The following HS3ST4 variants were observed in gnomAD, a reference collection of about 807,000 sequenced individuals.
The protein encoded by HS3ST4 is heparan sulfate glucosamine 3-O-sulfotransferase 4.
HS3ST4 carries 17 observed loss-of-function variants against 29.2 expected under a neutral mutation model. The observed-to-expected ratio is 0.58, with a 90% CI of 0.40 to 0.87. The LOEUF (loss-of-function observed/expected upper bound fraction) is 0.87, where lower values mean the gene tolerates loss of function less well. Ranked by LOEUF, HS3ST4 falls within the 40% of genes least tolerant of loss-of-function variation. The probability of loss-of-function intolerance (pLI) is 0.00; values close to 1 mark genes in which losing one functional copy is unlikely to be tolerated. For missense variants in HS3ST4, 627 were observed against 634.5 expected, an observed-to-expected ratio of 0.99 and a Z score of 0.13; for synonymous variants, 314 against 285.7, an observed-to-expected ratio of 1.10 and a Z score of -1.00.
chr16:25,727,681 C>T (rs1416151610), intron 1 of HS3ST4, among the ~76,000 whole-genome samples: 1 of 152,174 alleles, frequency 6.6e-6, no homozygotes, highest in Non-Finnish European at 1.5e-5. Flanking sequence ...CATTCACACC[C>T]AGGGAGAACC....
intron 1 of HS3ST4, among the ~76,000 whole-genome samples, chr16:25,884,124 AAAAAAGAATCCAACCTAG>A (rs1454673832): frequency 1.3e-5 from 2 of 152,178 alleles, no homozygotes; most frequent in African/African-American, 4.8e-5. Context: ...AAAGAAAAAA[AAAAAAGAATCCAACCTAG>A]TTCAGAGCCA....
At chr16:25,997,665 C>A (rs949793530) in intron 1 of HS3ST4, among the ~76,000 whole-genome samples, 83 of 152,278 alleles carry the variant, frequency 5.5e-4, no homozygotes, top group African/African-American at 2.0e-3. Context: ...ATAGTTCCAA[C>A]TGAAGTCCTA....
chr16:25,747,307 G>A (rs1029493017), intron 1 of HS3ST4, among the ~76,000 whole-genome samples: 3 of 152,188 alleles, frequency 2.0e-5, no homozygotes, highest in African/African-American at 7.2e-5. Context: ...TACAGATAAC[G>A]CTATTTCAGA....
intron 1 of HS3ST4, among the ~76,000 whole-genome samples, chr16:26,044,702 A>T (rs1898244545): frequency 6.6e-6 from 1 of 150,970 alleles, no homozygotes; most frequent in Non-Finnish European, 1.5e-5. Context: ...CCAGGAGTCT[A>T]GTCCACTGGA....
At chr16:25,932,381 A>T (rs1305454628) in intron 1 of HS3ST4, among the ~76,000 whole-genome samples, 2 of 152,212 alleles carry the variant, frequency 1.3e-5, no homozygotes, top group African/African-American at 4.8e-5. Flanking sequence ...GCAATGGGGC[A>T]ATAGAAGGGC....
At chr16:26,049,297 G>A (rs544456434) in intron 1 of HS3ST4, among the ~76,000 whole-genome samples, 5 of 150,618 alleles carry the variant, frequency 3.3e-5, no homozygotes, top group Non-Finnish European at 7.4e-5. Flanking sequence ...GCAAGGTGAG[G>A]GGGGAGGAAA....
At chr16:25,879,871 C>T (rs1967875619) in intron 1 of HS3ST4, among the ~76,000 whole-genome samples, 1 of 152,130 alleles carries the variant, frequency 6.6e-6, no homozygotes, top group South Asian at 2.1e-4. Flanking sequence ...AGCAAAGGCA[C>T]ATCTTACATC....
chr16:25,991,302 T>A (rs999427216), intron 1 of HS3ST4, among the ~76,000 whole-genome samples: 1 of 152,216 alleles, frequency 6.6e-6, no homozygotes, highest in Non-Finnish European at 1.5e-5. Flanking sequence ...AAAGGAAATA[T>A]TAGGAGCATT....
At chr16:25,816,319 C>T (rs192661280) in intron 1 of HS3ST4, among the ~76,000 whole-genome samples, 46 of 152,246 alleles carry the variant, frequency 3.0e-4, no homozygotes, top group Non-Finnish European at 5.0e-4. Context: ...AGGTGGAGGC[C>T]GTGGCCCTCA....
At chr16:26,090,231 T>C (rs1898839812) in intron 1 of HS3ST4, among the ~76,000 whole-genome samples, 2 of 151,800 alleles carry the variant, frequency 1.3e-5, no homozygotes, top group Non-Finnish European at 2.9e-5. Flanking sequence ...AGGACTGGAA[T>C]GAAACCCACT....
intron 1 of HS3ST4, among the ~76,000 whole-genome samples, chr16:25,812,703 C>CTTTTTTT (rs11382075): frequency 6.8e-6 from 1 of 146,594 alleles, no homozygotes. Context: ...AAAGTACTTC[C>CTTTTTTT]TTTTTTTTTT....
chr16:26,095,393 G>T (rs1001794850), intron 1 of HS3ST4, among the ~76,000 whole-genome samples: 21 of 152,180 alleles, frequency 1.4e-4, no homozygotes, highest in African/African-American at 4.3e-4. Context: ...AAATGTAAAA[G>T]AACAGAAATC....
intron 1 of HS3ST4, among the ~76,000 whole-genome samples, chr16:25,780,812 G>A (rs528647570): frequency 6.6e-6 from 1 of 152,270 alleles, no homozygotes; most frequent in Admixed American, 6.5e-5. Flanking sequence ...GGTTAAATGA[G>A]CATGATTTGT....
chr16:26,018,832 G>GAAA (rs10624019), intron 1 of HS3ST4, among the ~76,000 whole-genome samples: 372 of 136,664 alleles, frequency 2.7e-3, no homozygotes, highest in African/African-American at 9.2e-3. Context: ...CCTCCTCATG[G>GAAA]AAAAAAAAAA....
intron 1 of HS3ST4, among the ~76,000 whole-genome samples, chr16:25,838,546 A>G (rs950224035): frequency 6.6e-6 from 1 of 152,140 alleles, no homozygotes; most frequent in Non-Finnish European, 1.5e-5. Flanking sequence ...TTTCCTCAGC[A>G]TGCTATTTAC....
chr16:26,066,735 C>T (rs1250697159), intron 1 of HS3ST4, among the ~76,000 whole-genome samples: 3 of 152,178 alleles, frequency 2.0e-5, no homozygotes, highest in African/African-American at 7.2e-5. Flanking sequence ...TTTCTCCTGC[C>T]TAATTGTCAC....
chr16:25,888,095 T>C (rs1284641067), intron 1 of HS3ST4, among the ~76,000 whole-genome samples: 1 of 152,166 alleles, frequency 6.6e-6, no homozygotes, highest in African/African-American at 2.4e-5. Flanking sequence ...AAGTTGAATC[T>C]GATTGGAAGA....
At chr16:26,014,204 A>G (rs566161494) in intron 1 of HS3ST4, among the ~76,000 whole-genome samples, 1 of 152,294 alleles carries the variant, frequency 6.6e-6, no homozygotes, top group South Asian at 2.1e-4. Flanking sequence ...AAACTCTATG[A>G]GGACAGGGAC....
chr16:25,700,764 A>G (rs1182818222), intron 1 of HS3ST4, among the ~76,000 whole-genome samples: 1 of 152,198 alleles, frequency 6.6e-6, no homozygotes, highest in Non-Finnish European at 1.5e-5. Flanking sequence ...GCGTTCTGAA[A>G]TTATAATTCA....
Sources: allele counts gnomAD v4.1 joint callset (sites outside exome capture counted in the v4.1 genomes callset), GRCh38; gene constraint gnomAD v4.1.1; transcripts MANE v1.5; gene names NCBI Gene and HGNC (gene_info 2026-07-23, HGNC 2026-07-21).